Variants in GALNTL6 observed in about 807,000 individuals in gnomAD.
GALNTL6 encodes polypeptide N-acetylgalactosaminyltransferase-like 6.
Under a neutral mutation model 73.7 loss-of-function variants are expected in GALNTL6, and 46 were observed. The observed-to-expected ratio is 0.62, with a 90% CI of 0.49 to 0.80. The LOEUF (loss-of-function observed/expected upper bound fraction) is 0.80, where lower values mean the gene tolerates loss of function less well. GALNTL6 is among the 30% of genes least tolerant of loss of function. The pLI is 0.00. For missense variants in GALNTL6, 604 were observed against 755.0 expected, an observed-to-expected ratio of 0.80 and a Z score of 2.34; for synonymous variants, 259 against 263.7, an observed-to-expected ratio of 0.98 and a Z score of 0.17.
intron 2 of GALNTL6, among the ~76,000 whole-genome samples, chr4:172,023,524 A>G (rs931793852): frequency 5.9e-5 from 9 of 151,918 alleles, no homozygotes; most frequent in African/African-American, 1.7e-4. Context: ...GAGTAAAATG[A>G]TTGATTAATT....
At chr4:172,689,439 T>A (rs377233512) in intron 5 of GALNTL6, among the ~76,000 whole-genome samples, 2 of 152,344 alleles carry the variant, frequency 1.3e-5, no homozygotes, top group East Asian at 3.9e-4. Context: ...AAGTCTGACA[T>A]CTATGAAAAC....
chr4:172,336,388 C>T (rs1204113004), intron 4 of GALNTL6, among the ~76,000 whole-genome samples: 2 of 149,356 alleles, frequency 1.3e-5, no homozygotes, highest in African/African-American at 4.9e-5. Flanking sequence ...TCTCCTGCCT[C>T]AGCCTCCTGA....
intron 5 of GALNTL6, among the ~76,000 whole-genome samples, chr4:172,639,974 C>A (rs769024014): frequency 6.6e-6 from 1 of 151,956 alleles, no homozygotes; most frequent in African/African-American, 2.4e-5. Context: ...TAAAAAAAAT[C>A]TTTCATTCCA....
chr4:171,965,670 A>AAAG (rs1305257328), intron 2 of GALNTL6, among the ~76,000 whole-genome samples: 2 of 150,908 alleles, frequency 1.3e-5, no homozygotes, highest in African/African-American at 4.9e-5. Context: ...AAAAAAAAAA[A>AAAG]AAGAAGAAGA....
chr4:172,775,567 G>A (rs1739026404), intron 5 of GALNTL6, among the ~76,000 whole-genome samples: 1 of 152,150 alleles, frequency 6.6e-6, no homozygotes, highest in South Asian at 2.1e-4. Context: ...TGGGAACCAA[G>A]GGATTCTTTT....
intron 3 of GALNTL6, among the ~76,000 whole-genome samples, chr4:172,300,317 T>A (rs1399785557): frequency 6.6e-6 from 1 of 152,206 alleles, no homozygotes; most frequent in Non-Finnish European, 1.5e-5. Flanking sequence ...GTCTTGACTC[T>A]TTATCAAATT....
intron 4 of GALNTL6, among the ~76,000 whole-genome samples, chr4:172,322,079 T>G (rs778422961): frequency 1.3e-5 from 2 of 151,932 alleles, no homozygotes; most frequent in Non-Finnish European, 2.9e-5. Context: ...ACAACTCCAG[T>G]AAACACACTG....
intron 5 of GALNTL6, among the ~76,000 whole-genome samples, chr4:172,384,976 T>A (rs2111290569): frequency 8.3e-6 from 1 of 121,150 alleles, no homozygotes; most frequent in East Asian, 2.8e-4. Context: ...ATTTTGTGTG[T>A]GTGTGTGTGT....
intron 2 of GALNTL6, among the ~76,000 whole-genome samples, chr4:171,906,141 A>C (rs570182828): frequency 0.012 from 1,743 of 151,482 alleles, 31 homozygotes; most frequent in African/African-American, 0.04. Flanking sequence ...AATAACTAAA[A>C]TCAGAGCAGA....
At chr4:172,338,627 G>A (rs1741433775) in intron 4 of GALNTL6, among the ~76,000 whole-genome samples, 1 of 152,146 alleles carries the variant, frequency 6.6e-6, no homozygotes, top group Admixed American at 6.5e-5. Context: ...AAAGCCAGCT[G>A]TGGCCAATGT....
At chr4:172,219,810 T>C (rs1232798827) in intron 2 of GALNTL6, among the ~76,000 whole-genome samples, 1 of 151,956 alleles carries the variant, frequency 6.6e-6, no homozygotes, top group East Asian at 1.9e-4. Context: ...ACAAATTATA[T>C]TTATGCTAGA....
At chr4:172,230,553 C>G (rs1392563678) in intron 3 of GALNTL6, among the ~76,000 whole-genome samples, 1 of 124,486 alleles carries the variant, frequency 8.0e-6, no homozygotes, top group Non-Finnish European at 1.8e-5. Context: ...TGCACTCCAG[C>G]CGGGCGATAG....
chr4:171,883,861 G>A (rs145119658), intron 2 of GALNTL6, among the ~76,000 whole-genome samples: 2,819 of 151,838 alleles, frequency 0.019, 85 homozygotes, highest in African/African-American at 0.064. Context: ...GTTGGTCAGG[G>A]TGGTCTCAAT....
chr4:172,793,906 T>C (rs1740126644), intron 5 of GALNTL6, among the ~76,000 whole-genome samples: 1 of 148,766 alleles, frequency 6.7e-6, no homozygotes, highest in African/African-American at 2.6e-5. Flanking sequence ...GTGACAGAAG[T>C]GATATATATA....
intron 5 of GALNTL6, among the ~76,000 whole-genome samples, chr4:172,729,913 G>A (rs1016370936): frequency 2.0e-5 from 3 of 151,920 alleles, no homozygotes; most frequent in African/African-American, 7.3e-5. Context: ...TCTTTTATCA[G>A]TATTTTGTAG....
chr4:173,031,727 G>A (rs961684131), intron 12 of GALNTL6, among the ~76,000 whole-genome samples: 1 of 152,166 alleles, frequency 6.6e-6, no homozygotes, highest in Non-Finnish European at 1.5e-5. Context: ...ATGACTTCAT[G>A]CAGGTTTACT....
intron 5 of GALNTL6, among the ~76,000 whole-genome samples, chr4:172,600,929 A>T (rs1371803904): frequency 2.6e-5 from 4 of 152,132 alleles, no homozygotes; most frequent in African/African-American, 9.7e-5. Flanking sequence ...ATAAAAACAT[A>T]AAAGTGTGAA....
rs149386885 is a variant in GALNTL6, at chr4:171,988,267, G to A, written c.138+173549G>A. On this transcript the variant is annotated intron_variant, in intron 2 of 12. Coordinates refer to ENST00000506823, the MANE Select transcript of GALNTL6 (RefSeq NM_001034845.3). ...AGTTCTTGTTTTGTAAGGGATTGAC[G>A]TTTGGGAGATTAATCGGCCACAATC... Among the ~76,000 whole-genome samples the A allele has an allele frequency of 4.5e-3, 684 of 152,282 alleles. 3 individuals are homozygous for A. The highest frequency in any genetic ancestry group is 0.01 in the Middle Eastern group (3 of 294).
chr4:171,871,747 AT>A (rs1036625381), intron 2 of GALNTL6, among the ~76,000 whole-genome samples: 2 of 152,176 alleles, frequency 1.3e-5, no homozygotes, highest in African/African-American at 2.4e-5. Context: ...GATCACTCAA[AT>A]ATTATGTTCT....
Sources: gnomAD v4.1 joint callset for allele counts (sites outside exome capture counted in the v4.1 genomes callset) on GRCh38, gnomAD v4.1.1 for gene constraint, MANE v1.5 for transcripts, NCBI Gene and HGNC (gene_info 2026-07-23, HGNC 2026-07-21) for gene names.